The following STRN variants were observed in gnomAD, a reference collection of about 807,000 sequenced individuals.
STRN encodes striatin.
STRN carries 53 observed loss-of-function variants against 96.3 expected under a neutral mutation model. That is an observed-to-expected ratio of 0.55 (90% CI 0.44 to 0.69). The LOEUF (loss-of-function observed/expected upper bound fraction) is 0.69. Among genes scored for constraint, STRN ranks in the 30% least tolerant of loss-of-function variants. STRN has a pLI of 0.00. For synonymous variants in STRN, 428 were observed against 355.9 expected (o/e 1.20, Z -2.28); for missense variants, 987 against 963.9 (o/e 1.02, Z -0.32).
At chr2:36,964,361 C>T (rs1665105302) in intron 1 of STRN, among the ~76,000 whole-genome samples, 1 of 151,426 alleles carries the variant, frequency 6.6e-6, no homozygotes, top group African/African-American at 2.4e-5. Context: ...ATACAAAAAT[C>T]ATTCCCCACA....
chr2:36,877,865 A>G (rs1371331040), intron 10 of STRN, 26 bp downstream of exon 10: 4 of 1,611,458 alleles, frequency 2.5e-6, no homozygotes, highest in Non-Finnish European at 3.4e-6. Context: ...CCAAGTAAAC[A>G]CAACAAAAAC....
intron 4 of STRN, among the ~76,000 whole-genome samples, chr2:36,904,925 A>C (rs1669781581): frequency 6.6e-6 from 1 of 152,222 alleles, no homozygotes; most frequent in African/African-American, 2.4e-5. Context: ...CAATTATTTA[A>C]AAGTTTTAAA....
chr2:36,929,715 T>G (rs1270337786), intron 1 of STRN, among the ~76,000 whole-genome samples: 2 of 152,184 alleles, frequency 1.3e-5, no homozygotes, highest in Non-Finnish European at 2.9e-5. Context: ...CCTTGTATTC[T>G]AAAATTTAAA....
intron 2 of STRN, among the ~76,000 whole-genome samples, chr2:36,919,752 T>C (rs1670201205): frequency 6.6e-6 from 1 of 152,096 alleles, no homozygotes; most frequent in African/African-American, 2.4e-5. Flanking sequence ...TACAGTAGGG[T>C]AGATAAAAGT....
intron 9 of STRN, 125 bp from the exon 10 acceptor site, chr2:36,878,152 C>A: frequency 4.7e-6 from 5 of 1,066,778 alleles, no homozygotes; most frequent in Non-Finnish European, 6.6e-6. Flanking sequence ...TGCTTTTAAA[C>A]ACAATAAAAT....
chr2:36,939,442 G>A (rs961431904), intron 1 of STRN, among the ~76,000 whole-genome samples: 7 of 151,920 alleles, frequency 4.6e-5, no homozygotes, highest in Admixed American at 2.6e-4. Context: ...TATCTTATTC[G>A]CATTATATAT....
intron 10 of STRN, among the ~76,000 whole-genome samples, chr2:36,876,262 C>G (rs111749852): frequency 8.3e-6 from 1 of 120,886 alleles, no homozygotes; most frequent in African/African-American, 2.9e-5. Context: ...CCGAGTGAGA[C>G]CCTGCCTTAA....
rs1297807453 is a variant in STRN, at chr2:36,886,778, C to G, written c.980G>C (p.Gly327Ala). 2 of 1,613,558 alleles carry G rather than the reference C, an allele frequency of 1.2e-6. No individual in the cohort carries two copies. The highest frequency in any genetic ancestry group is 2.2e-5 in the South Asian group (2 of 91,024). Residue 327 changes from glycine to alanine, a missense_variant, in exon 8 of 18, where the codon GGA (glycine) becomes GCA (alanine). Gly to Ala is a moderately conservative substitution (Grantham distance 60, BLOSUM62 0). Coordinates refer to ENST00000263918, the MANE Select transcript of STRN (RefSeq NM_003162.4). Reference sequence around the variant, plus strand: ...TTGTTCCTTGAGTTTGGTAATTACTCCCTGGTCCACATTCCAGGCTTCAGG... The same window carrying G: ...TTGTTCCTTGAGTTTGGTAATTACTGCCTGGTCCACATTCCAGGCTTCAGG... The part of the protein sequence containing the change: ...LMPEAWNVDQ[G>A]VITKLKEQYK...
intron 3 of STRN, among the ~76,000 whole-genome samples, chr2:36,914,651 T>A (rs897169092): frequency 2.0e-5 from 3 of 152,182 alleles, no homozygotes; most frequent in Non-Finnish European, 4.4e-5. Context: ...AAATTGGCAG[T>A]ACATTTAGAA....
chr2:36,903,231 G>A (rs1333561363), intron 4 of STRN, among the ~76,000 whole-genome samples: 1 of 152,088 alleles, frequency 6.6e-6, no homozygotes. Flanking sequence ...CTCCTATCCT[G>A]AGACAACTTT....
chr2:36,921,064 G>A (rs1479202665), intron 2 of STRN, among the ~76,000 whole-genome samples: 1 of 151,418 alleles, frequency 6.6e-6, no homozygotes, highest in African/African-American at 2.4e-5. Flanking sequence ...ACAGAGCAAG[G>A]CTCTGTCTCA....
At chr2:36,849,681 G>A in intron 17 of STRN, 33 bp downstream of exon 17, 1 of 1,613,534 alleles carries the variant, frequency 6.2e-7, no homozygotes. Context: ...AAATGGTAAG[G>A]ACAAATAAAT....
Position 36,845,088 on chromosome 2 carries a change from C to T in STRN, c.*4368G>A, listed in dbSNP as rs1668035144. The T allele has an allele frequency of 6.6e-6, 1 of 152,108 alleles. No homozygotes were observed. Among genetic ancestry groups the T allele is most frequent in the South Asian group, 2.1e-4 (1 of 4,818 alleles). The allele number at this position is 152,108 out of a possible 1,614,324, so 9.4% of individuals were successfully genotyped here. A position where few individuals can be genotyped will look rare whatever the true frequency, so the allele number is the denominator to read the frequency against. The stretch of plus-strand genomic sequence containing the variant: ...TATGTACTTAATAGCCTTGTAGTCA[C>T]TTTCAAAGAATAAAGTAATCTAAAT... On this transcript the variant is annotated 3_prime_UTR_variant, in exon 18 of 18. Transcript: ENST00000263918.
intron 15 of STRN, among the ~76,000 whole-genome samples, chr2:36,854,258 T>C (rs1668290189): frequency 1.3e-5 from 2 of 152,208 alleles, no homozygotes; most frequent in South Asian, 2.1e-4. Context: ...TTTAAATTTA[T>C]TGAGAGTCTA....
At chr2:36,919,457 T>G (rs1343951886) in intron 2 of STRN, among the ~76,000 whole-genome samples, 9 of 151,666 alleles carry the variant, frequency 5.9e-5, no homozygotes. Flanking sequence ...GGCATTTCTG[T>G]CAGAAGGGAC....
intron 2 of STRN, among the ~76,000 whole-genome samples, chr2:36,920,376 C>T (rs1285687417): frequency 6.6e-6 from 1 of 152,206 alleles, no homozygotes; most frequent in Non-Finnish European, 1.5e-5. Context: ...CGGTGGCTCA[C>T]ACCTGTAATC....
chr2:36,842,756 C>T lies in STRN; in HGVS notation c.*6700G>A, dbSNP rs1007533428. On this transcript the variant is annotated 3_prime_UTR_variant, in exon 18 of 18. Coordinates refer to ENST00000263918, the MANE Select transcript of STRN (RefSeq NM_003162.4). ...TGAATCATTTGATATACAAAACTTA[C>T]TGAGTTAAAATTTGTGTTTCAGAAA... Among the ~76,000 whole-genome samples, 1 of 152,082 alleles carries T rather than the reference C, an allele frequency of 6.6e-6. No homozygotes were observed. Among genetic ancestry groups the T allele is most frequent in the African/African-American group, 2.4e-5 (1 of 41,406 alleles).
At chr2:36,914,948 G>A (rs895145687) in intron 3 of STRN, among the ~76,000 whole-genome samples, 3 of 152,040 alleles carry the variant, frequency 2.0e-5, no homozygotes, top group East Asian at 3.9e-4. Context: ...TGTAATCCCA[G>A]CACTTTGGGA....
chr2:36,849,476 G>A lies in STRN; in HGVS notation c.2323C>T (p.Leu775=). Residue 775 remains leucine (L), a synonymous_variant, in exon 18 of 18, where the codon CTG becomes TTG. Coordinates refer to ENST00000263918, the MANE Select transcript of STRN (RefSeq NM_003162.4). ...CYIASAGADA[L]AKVFV Reference sequence around the variant, plus strand: ...TTGCGTCATACAAAGACTTTAGCCAGTGCGTCAGCTCCAGCACTGGCTATA... The same window carrying A: ...TTGCGTCATACAAAGACTTTAGCCAATGCGTCAGCTCCAGCACTGGCTATA... 5.0e-6 allele frequency: 8 copies of A among 1,614,066 alleles called. No individual in the cohort carries two copies. The highest frequency in any genetic ancestry group is 1.1e-5 in the South Asian group (1 of 91,082).
Sources: gnomAD v4.1 joint callset for allele counts (sites outside exome capture counted in the v4.1 genomes callset) on GRCh38, gnomAD v4.1.1 for gene constraint, MANE v1.5 for transcripts, NCBI Gene and HGNC (gene_info 2026-07-23, HGNC 2026-07-21) for gene names.